The following TMEM135 variants were observed in gnomAD, a reference collection of about 807,000 sequenced individuals.
TMEM135 encodes the protein transmembrane protein 135.
A neutral mutation model predicts 60.3 loss-of-function variants in TMEM135; 30 were observed. The observed-to-expected ratio is 0.50, with a 90% CI of 0.37 to 0.68. The LOEUF (loss-of-function observed/expected upper bound fraction) is 0.68, where lower values mean the gene tolerates loss of function less well. TMEM135 is among the 30% of genes least tolerant of loss of function. TMEM135 has a pLI of 0.00. For synonymous variants in TMEM135, 190 were observed against 186.7 expected (o/e 1.02, Z -0.14); for missense variants, 468 against 548.8 (o/e 0.85, Z 1.47).
intron 5 of TMEM135, among the ~76,000 whole-genome samples, chr11:87,228,832 G>C (rs1193209369): frequency 6.6e-6 from 1 of 152,106 alleles, no homozygotes; most frequent in Non-Finnish European, 1.5e-5. Flanking sequence ...TTAACAGGCT[G>C]TGTTTACCTT....
chr11:87,221,716 C>G (rs566311719), intron 5 of TMEM135, among the ~76,000 whole-genome samples: 11 of 152,266 alleles, frequency 7.2e-5, no homozygotes, highest in Non-Finnish European at 1.2e-4. Flanking sequence ...TAACTAAGAG[C>G]TGATCCTGGA....
At chr11:87,198,807 G>C (rs1184036643) in intron 5 of TMEM135, among the ~76,000 whole-genome samples, 1 of 151,736 alleles carries the variant, frequency 6.6e-6, no homozygotes, top group Non-Finnish European at 1.5e-5. Flanking sequence ...AGAAACAACA[G>C]TTTAAAAAGA....
At chr11:87,124,468 G>A (rs994582690) in intron 4 of TMEM135, among the ~76,000 whole-genome samples, 10 of 152,126 alleles carry the variant, frequency 6.6e-5, no homozygotes, top group African/African-American at 2.4e-4. Flanking sequence ...GTGGGAGGCC[G>A]CAGGGGAAGG....
At position 87,321,200 on chromosome 11, in the gene TMEM135, G is replaced by A. The variant is rs1369705506; in HGVS notation, c.1245-1G>A. ...TGTTTACTGTATTCTTTGTTTTACA[G>A]ATTTGCTGTCATGAACCGAAAAGTC... On this transcript the variant is annotated splice_acceptor_variant, in intron 14 of 14. Transcript: ENST00000305494. LOFTEE classifies it high-confidence loss of function. 6.2e-7 allele frequency: 1 copy of A among 1,612,080 alleles called. No homozygotes were observed. Among genetic ancestry groups the A allele is most frequent in the South Asian group, 1.1e-5 (1 of 91,026 alleles).
chr11:87,101,068 T>TA (rs1218024855), intron 4 of TMEM135, among the ~76,000 whole-genome samples: 4 of 152,180 alleles, frequency 2.6e-5, no homozygotes, highest in Admixed American at 2.6e-4. Flanking sequence ...GTACCCAATT[T>TA]AAAAAATAGT....
chr11:87,184,244 A>G (rs1939595538), intron 5 of TMEM135, among the ~76,000 whole-genome samples: 1 of 152,212 alleles, frequency 6.6e-6, no homozygotes, highest in Non-Finnish European at 1.5e-5. Context: ...AATATCACAT[A>G]TTTATTGCAC....
At chr11:87,243,759 A>T (rs1466847462) in intron 6 of TMEM135, among the ~76,000 whole-genome samples, 1 of 90,254 alleles carries the variant, frequency 1.1e-5, no homozygotes. Context: ...GGCTGAGACA[A>T]TGGGGTTTTC....
At chr11:87,108,578 G>A (rs1190458545) in intron 4 of TMEM135, among the ~76,000 whole-genome samples, 1 of 151,750 alleles carries the variant, frequency 6.6e-6, no homozygotes, top group Non-Finnish European at 1.5e-5. Flanking sequence ...TCCTTCATTT[G>A]TTTACTTTGG....
At chr11:87,223,400 G>A (rs903869212) in intron 5 of TMEM135, among the ~76,000 whole-genome samples, 1 of 151,754 alleles carries the variant, frequency 6.6e-6, no homozygotes, top group African/African-American at 2.4e-5. Context: ...TCCATCTCCT[G>A]ACCTTGTGAT....
In TMEM135 at chr11:87,118,914, A is replaced by C. The variant is rs752609759; in HGVS notation, c.396+27519A>C. On this transcript the variant is annotated intron_variant, in intron 4 of 14. Coordinates refer to ENST00000305494, the MANE Select transcript of TMEM135 (RefSeq NM_022918.4). ...GAAGAGAGTTAGGGCCTTGCTCTGG[A>C]TTAGGTTTTGGTGAAGGGAATGTTG... is the stretch of plus-strand genomic sequence containing the variant. 1.7e-3 allele frequency among the ~76,000 whole-genome samples: 262 copies of C among 152,168 alleles called. 1 individual carries two copies. Among genetic ancestry groups the C allele is most frequent in the Non-Finnish European group, 2.7e-3 (183 of 67,992 alleles).
chr11:87,277,783 A>G (rs1036965143), intron 6 of TMEM135, among the ~76,000 whole-genome samples: 2 of 152,024 alleles, frequency 1.3e-5, no homozygotes, highest in Non-Finnish European at 2.9e-5. Context: ...CAGCCTGCCA[A>G]AGTGTTGTGA....
intron 6 of TMEM135, among the ~76,000 whole-genome samples, chr11:87,251,207 AG>A (rs1320126554): frequency 6.6e-6 from 1 of 150,714 alleles, no homozygotes; most frequent in East Asian, 1.9e-4. Flanking sequence ...AGGAGTTATC[AG>A]CATGTAGATA....
intron 3 of TMEM135, among the ~76,000 whole-genome samples, chr11:87,090,686 A>C (rs1277941683): frequency 6.6e-6 from 1 of 152,154 alleles, no homozygotes; most frequent in Non-Finnish European, 1.5e-5. Context: ...GTATAAGCTA[A>C]GTAAACTGAT....
chr11:87,208,658 G>A (rs1940293199), intron 5 of TMEM135, among the ~76,000 whole-genome samples: 1 of 152,174 alleles, frequency 6.6e-6, no homozygotes, highest in South Asian at 2.1e-4. Flanking sequence ...TATATTTCAT[G>A]AAAAATTTCC....
chr11:87,304,329 A>T (rs1004992817), intron 8 of TMEM135, among the ~76,000 whole-genome samples: 1 of 152,170 alleles, frequency 6.6e-6, no homozygotes, highest in Admixed American at 6.5e-5. Context: ...TATGATCATT[A>T]TGATCATGCC....
At chr11:87,280,565 G>A (rs942740658) in intron 6 of TMEM135, among the ~76,000 whole-genome samples, 4 of 151,990 alleles carry the variant, frequency 2.6e-5, no homozygotes, top group African/African-American at 9.7e-5. Context: ...CACCTTAAAT[G>A]TCTTTTTCTG....
intron 4 of TMEM135, among the ~76,000 whole-genome samples, chr11:87,096,846 T>C (rs1173094393): frequency 6.6e-6 from 1 of 152,192 alleles, no homozygotes; most frequent in African/African-American, 2.4e-5. Context: ...GCCATGTGCA[T>C]TTTAAATTTA....
intron 5 of TMEM135, among the ~76,000 whole-genome samples, chr11:87,195,307 CTTTCTCTT>C (rs1283505104): frequency 4.0e-5 from 6 of 148,402 alleles, no homozygotes; most frequent in African/African-American, 1.5e-4. Context: ...TTTTCTCTTT[CTTTCTCTT>C]TCCTTCCTTC....
At chr11:87,262,151 T>TTTTTTTTTTTTTTTTTTTTTTTGAGACG (rs1264887664) in intron 6 of TMEM135, among the ~76,000 whole-genome samples, 1 of 152,226 alleles carries the variant, frequency 6.6e-6, no homozygotes, top group African/African-American at 2.4e-5. Flanking sequence ...TTTTCGTTGT[T>TTTTTTTTTTTTTTTTTTTTTTTGAGACG]GCAAACTGTA....
Sources: allele counts gnomAD v4.1 joint callset (sites outside exome capture counted in the v4.1 genomes callset), GRCh38; gene constraint gnomAD v4.1.1; transcripts MANE v1.5; gene names NCBI Gene and HGNC (gene_info 2026-07-23, HGNC 2026-07-21).